Variants in RBL1 observed in about 807,000 individuals in gnomAD.
RBL1 encodes the protein RB transcriptional corepressor like 1.
Under a neutral mutation model 123.0 loss-of-function variants are expected in RBL1, and 82 were observed. The ratio of observed to expected loss-of-function variants is 0.67; its 90% CI spans 0.56 to 0.80. RBL1 has a LOEUF of 0.80. Among genes scored for constraint, RBL1 ranks in the 30% least tolerant of loss-of-function variants. The pLI, the probability that RBL1 is intolerant of heterozygous loss-of-function variation, is 0.00. For synonymous variants in RBL1, 405 were observed against 441.3 expected (o/e 0.92, Z 1.03); for missense variants, 1,171 against 1,299.6 (o/e 0.90, Z 1.52).
At chr20:37,030,973 G>C (rs1181624808) in intron 16 of RBL1, among the ~76,000 whole-genome samples, 2 of 152,100 alleles carry the variant, frequency 1.3e-5, no homozygotes, top group African/African-American at 2.4e-5. Context: ...CTGAACCTGG[G>C]AGGCGGAGGC....
At chr20:37,019,049 CT>C (rs545602229) in intron 18 of RBL1, among the ~76,000 whole-genome samples, 104 of 145,094 alleles carry the variant, frequency 7.2e-4, no homozygotes, top group Middle Eastern at 3.6e-3. Flanking sequence ...TCTTTTTTTT[CT>C]TTTTTTTTTT....
intron 11 of RBL1, among the ~76,000 whole-genome samples, chr20:37,051,809 C>A (rs1019642822): frequency 6.6e-6 from 1 of 150,754 alleles, no homozygotes; most frequent in African/African-American, 2.4e-5. Flanking sequence ...TCTAAATTTA[C>A]TAATTAAATG....
At chr20:37,015,063 C>CAA (rs1185151735) in intron 19 of RBL1, among the ~76,000 whole-genome samples, 53 of 70,264 alleles carry the variant, frequency 7.5e-4, no homozygotes, top group African/African-American at 1.4e-3. Context: ...GACTGTATCT[C>CAA]AAAAAAAAAA....
intron 2 of RBL1, among the ~76,000 whole-genome samples, chr20:37,087,456 A>G (rs2065567302): frequency 6.6e-6 from 1 of 152,148 alleles, no homozygotes; most frequent in African/African-American, 2.4e-5. Context: ...GCATGGTGGC[A>G]CATGATTGTA....
At chr20:37,077,565 T>A (rs2065384640) in intron 2 of RBL1, among the ~76,000 whole-genome samples, 1 of 152,078 alleles carries the variant, frequency 6.6e-6, no homozygotes, top group Non-Finnish European at 1.5e-5. Context: ...CAAAGTGCAG[T>A]CTCCAACATG....
intron 21 of RBL1, among the ~76,000 whole-genome samples, chr20:37,000,645 C>T (rs1266391122): frequency 1.5e-4 from 18 of 123,978 alleles, no homozygotes; most frequent in East Asian, 7.8e-4. Flanking sequence ...AGGTGAGGGG[C>T]GCCTCTGCCC....
intron 1 of RBL1, among the ~76,000 whole-genome samples, chr20:37,092,337 A>AT (rs1265595196): frequency 1.3e-5 from 2 of 152,026 alleles, no homozygotes; most frequent in Non-Finnish European, 1.5e-5. Context: ...GAATACACTG[A>AT]TTTTTATTTT....
chr20:37,073,999 T>C (rs557832917), intron 2 of RBL1, among the ~76,000 whole-genome samples: 93 of 151,602 alleles, frequency 6.1e-4, no homozygotes, highest in African/African-American at 2.0e-3. Context: ...TAGTCCCAGC[T>C]ACATGGGAGG....
At position 37,062,109 on chromosome 20, in the gene RBL1, T is replaced by C. The variant is rs757343617; in HGVS notation, c.1058A>G (p.Tyr353Cys). Reference sequence around the variant, plus strand: ...TTTTTCAAAGTGCTGTTGAAGGTTATACTCCACATTAGCCTGTGCTGTCAG... The same window carrying C: ...TTTTTCAAAGTGCTGTTGAAGGTTACACTCCACATTAGCCTGTGCTGTCAG... ...GKLTAQANVE[Y>C]NLQQHFEKKR... Residue 353 changes from tyrosine (Y) to cysteine (C), a missense_variant, in exon 8 of 22, where the codon TAT becomes TGT. By Grantham distance (194) the Tyr-to-Cys change is radical (BLOSUM62 -2). Transcript: ENST00000373664. The C allele has an allele frequency of 6.2e-7, 1 of 1,613,980 alleles. No homozygotes were observed. Among genetic ancestry groups the C allele is most frequent in the African/African-American group, 1.3e-5 (1 of 74,936 alleles).
At chr20:37,042,836 C>T (rs1321977666) in intron 13 of RBL1, among the ~76,000 whole-genome samples, 2 of 143,374 alleles carry the variant, frequency 1.4e-5, no homozygotes, top group East Asian at 4.1e-4. Flanking sequence ...GAGGTTGAGG[C>T]TGCAGTGAGC....
chr20:37,032,987 C>A, intron 15 of RBL1, 111 bp from the exon 16 acceptor site: 89 of 1,210,738 alleles, frequency 7.4e-5, no homozygotes, highest in Non-Finnish European at 8.4e-5. Context: ...AAGAAGGCTA[C>A]AAAATAGTAA....
intron 19 of RBL1, among the ~76,000 whole-genome samples, chr20:37,012,160 C>T (rs2146210546): frequency 6.6e-6 from 1 of 152,372 alleles, no homozygotes; most frequent in Non-Finnish European, 1.5e-5. Context: ...CTGGTTCACT[C>T]AGTGCTCAAT....
At chr20:36,998,995 G>A (rs2063920954) in intron 21 of RBL1, 66 bp from the exon 22 acceptor site, 1 of 1,472,386 alleles carries the variant, frequency 6.8e-7, no homozygotes, top group Non-Finnish European at 9.3e-7. Context: ...AAACAACCAA[G>A]CTAATTGTTT....
chr20:37,011,712 G>A (rs951570056), intron 19 of RBL1, among the ~76,000 whole-genome samples: 1 of 152,082 alleles, frequency 6.6e-6, no homozygotes, highest in East Asian at 1.9e-4. Flanking sequence ...TGGGATTACA[G>A]GTGTGAGCCA....
At position 37,013,054 on chromosome 20, in the gene RBL1, C is replaced by G. The variant is rs1026236370; in HGVS notation, c.2722+5225G>C. ...TGCCCCTACCGGGAAGTGAGGAGCCCCTCTGCCCGGCCACCACCCCGTCTG... is the reference window on the plus strand; with the variant it reads ...TGCCCCTACCGGGAAGTGAGGAGCCGCTCTGCCCGGCCACCACCCCGTCTG... On this transcript the variant is annotated intron_variant, in intron 19 of 21. Coordinates refer to ENST00000373664, the MANE Select transcript of RBL1 (RefSeq NM_002895.5). Among the ~76,000 whole-genome samples, 3 of 152,190 alleles carry G rather than the reference C, an allele frequency of 2.0e-5. 1 individual carries two copies. In the South Asian group the frequency reaches 6.2e-4, roughly 32 times the overall value.
intron 14 of RBL1, among the ~76,000 whole-genome samples, chr20:37,036,726 C>T (rs540825889): frequency 6.7e-4 from 100 of 148,608 alleles, no homozygotes; most frequent in African/African-American, 2.2e-3. Flanking sequence ...CCCAGGTTCA[C>T]GCCATTCTCC....
intron 10 of RBL1, 70 bp downstream of exon 10, chr20:37,056,076 C>A: frequency 1.3e-6 from 2 of 1,515,368 alleles, no homozygotes; most frequent in Non-Finnish European, 1.8e-6. Context: ...AGAGGAAAAA[C>A]CGTGAATTTC....
In RBL1 at chr20:37,020,648, A is replaced by G; in HGVS notation, c.2631+11T>C. 6.5e-7 allele frequency: 1 copy of G among 1,540,752 alleles called. No homozygotes were observed. The highest frequency in any genetic ancestry group is 1.2e-5 in the South Asian group (1 of 82,368). On this transcript the variant is annotated intron_variant, in intron 18 of 21. Coordinates refer to ENST00000373664, the MANE Select transcript of RBL1 (RefSeq NM_002895.5). ...CTATTTTTGGACAGTAGGAAAAATAATGTAACTCACGTGACTATTAGCTTG... is the reference window on the plus strand; with the variant it reads ...CTATTTTTGGACAGTAGGAAAAATAGTGTAACTCACGTGACTATTAGCTTG...
In RBL1 at chr20:37,018,419, T is replaced by C. The variant is rs1355286571; in HGVS notation, c.2632-50A>G. 2.6e-6 allele frequency: 4 copies of C among 1,542,374 alleles called. No individual in the cohort carries two copies. In the South Asian group the frequency reaches 5.0e-5, roughly 19 times the overall value. On this transcript the variant is annotated intron_variant, in intron 18 of 21. Coordinates refer to ENST00000373664, the MANE Select transcript of RBL1 (RefSeq NM_002895.5). ...GACAGCTCAGTCACAGAGGTACAGGTTAAACAAAATCAAAGTGAGAAGAGC... is the reference window on the plus strand; with the variant it reads ...GACAGCTCAGTCACAGAGGTACAGGCTAAACAAAATCAAAGTGAGAAGAGC...
Sources: gnomAD v4.1 joint callset for allele counts (sites outside exome capture counted in the v4.1 genomes callset) on GRCh38, gnomAD v4.1.1 for gene constraint, MANE v1.5 for transcripts, NCBI Gene and HGNC (gene_info 2026-07-23, HGNC 2026-07-21) for gene names.